The following RYR1 variants were observed in gnomAD, a reference collection of about 807,000 sequenced individuals.
The protein encoded by RYR1 is central core disease of muscle.
A neutral mutation model predicts 583.5 loss-of-function variants in RYR1; 342 were observed. The observed-to-expected ratio is 0.59, with a 90% CI of 0.54 to 0.64. The LOEUF (loss-of-function observed/expected upper bound fraction) is 0.64, where lower values mean the gene tolerates loss of function less well. RYR1 is among the 30% of genes least tolerant of loss of function. The pLI, the probability that RYR1 is intolerant of heterozygous loss-of-function variation, is 0.00. For missense variants in RYR1, 6,032 were observed against 6,917.2 expected (o/e 0.87, Z 4.54); for synonymous variants, 2,791 against 2,822.5 (o/e 0.99, Z 0.35).
chr19:38,542,031 A>G (rs1240923106), intron 84 of RYR1, among the ~76,000 whole-genome samples: 2 of 150,002 alleles, frequency 1.3e-5, no homozygotes, highest in African/African-American at 4.9e-5. Flanking sequence ...ATCATGCCAC[A>G]GTACTCCAAC....
intron 22 of RYR1, 138 bp downstream of exon 22, chr19:38,463,988 G>T (rs1343854785): frequency 4.0e-6 from 3 of 740,860 alleles, no homozygotes; most frequent in African/African-American, 1.7e-5. Flanking sequence ...ATAAACAAAT[G>T]GGGAGTGGCC....
In RYR1 at chr19:38,565,335, C is replaced by G. The variant is rs2145845209; in HGVS notation, c.13001C>G (p.Ala4334Gly). The G allele has an allele frequency of 8.3e-7, 1 of 1,211,530 alleles. No individual in the cohort carries two copies. Among genetic ancestry groups the G allele is most frequent in the Non-Finnish European group, 1.0e-6 (1 of 977,676 alleles). The allele number at this position is 1,211,530 out of a possible 1,614,324, so 75.0% of individuals were successfully genotyped here. ...TAREAATAVA[A>G]LLWAAVTRAG... ...CGCGAGGCGGCCACCGCAGTGGCGG[C>G]GCTGCTCTGGGCAGCAGTGACGCGC... The change falls in exon 91 of 106, where the codon GCG becomes GGG. Residue 4334 changes from alanine to glycine, a missense_variant. This residue lies in a region of RYR1 where 753 missense variants were observed against 759.6 expected (regional missense o/e 0.99). Transcript: ENST00000359596. The surrounding 1 kb of genome is among the most constrained non-coding windows in gnomAD (Gnocchi z 4.7).
chr19:38,439,301 G>A (rs1410349627), intron 1 of RYR1, among the ~76,000 whole-genome samples: 4 of 151,798 alleles, frequency 2.6e-5, no homozygotes, highest in Non-Finnish European at 5.9e-5. Context: ...CCAGGCTCAA[G>A]CCATTCTCCT....
In RYR1 at chr19:38,490,188, G is replaced by A. The variant is rs771545581; in HGVS notation, c.5927G>A (p.Arg1976His). ...AAGCTCCAGGCCAACCAGCGGAGCCGCTATGGCCTCCTCATAAAAGCCTTC... is the reference window on the plus strand; with the variant it reads ...AAGCTCCAGGCCAACCAGCGGAGCCACTATGGCCTCCTCATAAAAGCCTTC... ...VDKLQANQRS[R>H]YGLLIKAFSM... The change falls in exon 36 of 106, where the codon CGC becomes CAC. Residue 1976 changes from arginine (R) to histidine (H), a missense_variant. Arg to His is a conservative substitution (Grantham distance 29). This residue lies in a region of RYR1 where 2,627 missense variants were observed against 2,961.3 expected (regional missense o/e 0.89). Transcript: ENST00000359596. 5 of 1,614,218 alleles carry A rather than the reference G, an allele frequency of 3.1e-6. No individual in the cohort carries two copies. Among genetic ancestry groups the A allele is most frequent in the Non-Finnish European group, 4.2e-6 (5 of 1,180,042 alleles).
rs994688451 is a variant in RYR1 at position 38,496,853 on chromosome 19, C to T, written c.6797-7C>T. 6.8e-6 allele frequency: 11 copies of T among 1,612,378 alleles called. No individual in the cohort carries two copies. The highest frequency in any genetic ancestry group is 3.3e-4 in the Middle Eastern group (2 of 6,084). ...TGAGATGTTCTCCCCACCTCTCGCC[C>T]CTGCAGGCATGCAGGGCTCCACGCC... On this transcript the variant is annotated splice_polypyrimidine_tract_variant and splice_region_variant and intron_variant, in intron 41 of 105. Transcript: ENST00000359596. This position sits in a 1 kb window ranked among gnomAD's most constrained non-coding sequence, Gnocchi z 4.8.
chr19:38,528,975 G>A lies in RYR1; in HGVS notation c.11059G>A (p.Glu3687Lys). 1 of 1,611,978 alleles carries A rather than the reference G, an allele frequency of 6.2e-7. No homozygotes were observed. The highest frequency in any genetic ancestry group is 8.5e-7 in the Non-Finnish European group (1 of 1,179,070). The change falls in exon 76 of 106, where the codon GAG (glutamate) becomes AAG (lysine). Residue 3687 changes from glutamate to lysine, a missense_variant. Coordinates refer to ENST00000359596, the MANE Select transcript of RYR1 (RefSeq NM_000540.3). The stretch of plus-strand genomic sequence containing the variant: ...GAAAGCTGGGGAGCAGGAGGAGGAG[G>A]AGGAAGAGGTGGAAGAGAAGAAGCC... Reference protein sequence around the residue: ...LSKAGEQEEEEEEVEEKKPDP... With the variant: ...LSKAGEQEEEKEEVEEKKPDP...
At position 38,522,814 on chromosome 19, in the gene RYR1, G is replaced by C. The variant is rs111975718; in HGVS notation, c.10260-214G>C. ...AAAATACAAAAATTAGCCCGGTGTGGTGTCGGGCCCCTGTAGTCCCAGCTA... is the reference window on the plus strand; with the variant it reads ...AAAATACAAAAATTAGCCCGGTGTGCTGTCGGGCCCCTGTAGTCCCAGCTA... On this transcript the variant is annotated intron_variant, in intron 67 of 105. Transcript: ENST00000359596. 0.087 allele frequency among the ~76,000 whole-genome samples: 13,248 copies of C among 152,014 alleles called. 718 individuals are homozygous for C. Among genetic ancestry groups the C allele is most frequent in the South Asian group, 0.25 (1,195 of 4,806 alleles).
chr19:38,450,767 T>C (rs1967032039), intron 11 of RYR1, among the ~76,000 whole-genome samples: 1 of 62,444 alleles, frequency 1.6e-5, no homozygotes, highest in Admixed American at 1.9e-4. Context: ...CTGTACAACG[T>C]GGAAACAATA....
chr19:38,463,301 G>A lies in RYR1; in HGVS notation c.2578-122G>A, dbSNP rs1053474192. On this transcript the variant is annotated intron_variant, in intron 20 of 105. Transcript: ENST00000359596. The stretch of plus-strand genomic sequence containing the variant: ...CGAGGGATGGGGAGCAGGGCTGCTG[G>A]ATGGTGGGAAAGGGGGTGCTGGAGG... 9.2e-5 allele frequency: 71 copies of A among 770,372 alleles called. 1 individual carries two copies. The South Asian group carries it at 1.0e-3, about 11-fold the overall frequency. The allele number at this position is 770,372 out of a possible 1,614,324, so 47.7% of individuals were successfully genotyped here. A position where few individuals can be genotyped will look rare whatever the true frequency, so the allele number is the denominator to read the frequency against.
chr19:38,568,023 G>A (rs923669722), intron 93 of RYR1, 106 bp downstream of exon 93: 88 of 1,355,036 alleles, frequency 6.5e-5, no homozygotes, highest in East Asian at 2.7e-4. Flanking sequence ...GTTCAAGCTC[G>A]TCTCTAAGAA....
intron 63 of RYR1, among the ~76,000 whole-genome samples, chr19:38,514,581 A>G (rs1319795540): frequency 6.6e-6 from 1 of 152,000 alleles, no homozygotes; most frequent in Non-Finnish European, 1.5e-5. Context: ...CGCCAACCCT[A>G]AAAATATATA....
At position 38,460,444 on chromosome 19, in the gene RYR1, C is replaced by T. The variant is rs1371069319; in HGVS notation, c.2430C>T (p.Cys810=). The T allele has an allele frequency of 1.9e-6, 3 of 1,614,132 alleles. No individual in the cohort carries two copies. Among genetic ancestry groups the T allele is most frequent in the South Asian group, 1.1e-5 (1 of 91,094 alleles). ...TGCCCCCACCTGGCTATGCTCCATGCCATGAGGCTGTGCTCCCTCGAGAGC... is the reference window on the plus strand; with the variant it reads ...TGCCCCCACCTGGCTATGCTCCATGTCATGAGGCTGTGCTCCCTCGAGAGC... ...KFLPPPGYAP[C]HEAVLPRERL... Residue 810 remains cysteine (C), a synonymous_variant, in exon 20 of 106, where the codon TGC becomes TGT. Coordinates refer to ENST00000359596, the MANE Select transcript of RYR1 (RefSeq NM_000540.3).
Position 38,519,365 on chromosome 19 carries a change from CG to C in RYR1, c.10171del (p.Glu3391SerfsTer34). On this transcript the variant is annotated frameshift_variant, in exon 67 of 106. Coordinates refer to ENST00000359596, the MANE Select transcript of RYR1 (RefSeq NM_000540.3). LOFTEE classifies it high-confidence loss of function. ...AGGCCAAGGCGGAGGCCCAGGAGGGCGAGCTGCTGGTGCGGGACGAGTTCTC... is the reference window on the plus strand; with the variant it reads ...AGGCCAAGGCGGAGGCCCAGGAGGGCAGCTGCTGGTGCGGGACGAGTTCTC... ...LEAKAEAQEG[E>X]LLVRDEFSVL... 2 of 1,609,986 alleles carry C rather than the reference CG, an allele frequency of 1.2e-6. No homozygotes were observed. Among genetic ancestry groups the C allele is most frequent in the Non-Finnish European group, 1.7e-6 (2 of 1,178,310 alleles).
chr19:38,491,504 C>G (rs1969549672), intron 37 of RYR1, among the ~76,000 whole-genome samples: 1 of 151,616 alleles, frequency 6.6e-6, no homozygotes, highest in African/African-American at 2.4e-5. Flanking sequence ...TCTTAGCTCA[C>G]TGCATCCTCT....
Position 38,473,299 on chromosome 19 carries a change from G to A in RYR1, c.3766-78G>A, listed in dbSNP as rs2145482057. 8 of 1,557,734 alleles carry A rather than the reference G, an allele frequency of 5.1e-6. No individual in the cohort carries two copies. In the South Asian group the frequency reaches 6.7e-5, roughly 13 times the overall value. On this transcript the variant is annotated intron_variant, in intron 27 of 105. Coordinates refer to ENST00000359596, the MANE Select transcript of RYR1 (RefSeq NM_000540.3). ...TGCACTATGGCCTAATGGTGGCTCC[G>A]TGTGTGACCAGGTGTAGGACCAACG...
chr19:38,510,883 C>T (rs572386965), intron 60 of RYR1, 102 bp downstream of exon 60: 143 of 1,540,054 alleles, frequency 9.3e-5, no homozygotes, highest in Middle Eastern at 2.2e-4. Context: ...GGGTACTGAC[C>T]GTCTCCTGCA....
At chr19:38,564,828 AAAAC>A (rs1403855399) in intron 90 of RYR1, 127 bp from the exon 91 acceptor site, 1 of 1,482,406 alleles carries the variant, frequency 6.7e-7, no homozygotes, top group African/African-American at 1.4e-5. Flanking sequence ...CCCTGTCTCA[AAAAC>A]AAAATACCAA....
Position 38,492,598 on chromosome 19 carries a change from A to G in RYR1, c.6236A>G (p.Lys2079Arg), listed in dbSNP as rs1449967674. Reference sequence around the variant, plus strand: ...CGGCTGGTGAAGAAGAAGGAAGAGAAACCTGAGGAGGAGCGGTCAGCAGAG... The same window carrying G: ...CGGCTGGTGAAGAAGAAGGAAGAGAGACCTGAGGAGGAGCGGTCAGCAGAG... ...KVRLVKKKEEKPEEERSAEES... is the reference protein window; with the variant it reads ...KVRLVKKKEERPEEERSAEES... The change falls in exon 38 of 106, where the codon AAA becomes AGA. Residue 2079 changes from lysine to arginine, a missense_variant. Lys to Arg is a conservative substitution (Grantham distance 26). Coordinates refer to ENST00000359596, the MANE Select transcript of RYR1 (RefSeq NM_000540.3). 8.1e-6 allele frequency: 13 copies of G among 1,613,752 alleles called. No individual in the cohort carries two copies. The highest frequency in any genetic ancestry group is 1.1e-5 in the Non-Finnish European group (13 of 1,179,952).
At chr19:38,475,583 T>A in intron 29 of RYR1, 133 bp downstream of exon 29, 1 of 1,112,904 alleles carries the variant, frequency 9.0e-7, no homozygotes, top group Non-Finnish European at 1.3e-6. Context: ...CACTAGAAAC[T>A]CATAAAATAT....
Sources: gnomAD v4.1 joint callset for allele counts (sites outside exome capture counted in the v4.1 genomes callset) on GRCh38, gnomAD v4.1.1 for gene constraint, gnomAD v4.1.1 regional missense constraint, Gnocchi (gnomAD v3.1) non-coding constraint, MANE v1.5 for transcripts, NCBI Gene and HGNC (gene_info 2026-07-23, HGNC 2026-07-21) for gene names.